DNAAF11: variants seen among roughly 807,000 people sequenced by gnomAD.
The protein encoded by DNAAF11 is leucine rich repeat containing 6.
A neutral mutation model predicts 60.8 loss-of-function variants in DNAAF11; 45 were observed. That is an observed-to-expected ratio of 0.74 (90% CI 0.58 to 0.95). The LOEUF (loss-of-function observed/expected upper bound fraction) is 0.95, where lower values mean the gene tolerates loss of function less well. Among genes scored for constraint, DNAAF11 ranks in the 40% least tolerant of loss-of-function variants. The pLI, the probability that DNAAF11 is intolerant of heterozygous loss-of-function variation, is 0.00. For synonymous variants in DNAAF11, 191 were observed against 183.5 expected (o/e 1.04, Z -0.33); for missense variants, 546 against 546.2 (o/e 1.00, Z 0.00).
At chr8:132,655,321 A>C (rs565132161) in intron 3 of DNAAF11, among the ~76,000 whole-genome samples, 1 of 152,240 alleles carries the variant, frequency 6.6e-6, no homozygotes, top group South Asian at 2.1e-4. Flanking sequence ...TCTAACAAAT[A>C]TTTAAAGAAG....
Position 132,605,964 on chromosome 8 carries a change from T to C in DNAAF11, c.1140+4202A>G, listed in dbSNP as rs1818089759. ...ATAATGGGGTCGGGGGGACAGGTTA[T>C]CAGGGGACTCTGCCTTTAACTCTGA... On this transcript the variant is annotated intron_variant, in intron 10 of 11. Transcript: ENST00000620350. 2.0e-5 allele frequency among the ~76,000 whole-genome samples: 3 copies of C among 149,428 alleles called. No individual in the cohort carries two copies. The South Asian group carries it at 6.4e-4, about 32-fold the overall frequency.
At chr8:132,612,594 T>C (rs1321254163) in intron 8 of DNAAF11, among the ~76,000 whole-genome samples, 1 of 152,146 alleles carries the variant, frequency 6.6e-6, no homozygotes, top group African/African-American at 2.4e-5. Flanking sequence ...CCTTCTTCCT[T>C]TGTAACTCAT....
chr8:132,677,720 C>T (rs556979014), upstream of DNAAF11, among the ~76,000 whole-genome samples: 7 of 152,246 alleles, frequency 4.6e-5, no homozygotes, highest in East Asian at 1.2e-3. Flanking sequence ...TCCTGGGCGA[C>T]ATAGTGAGAC....
chr8:132,700,383 T>C, the DNAAF11 span, among the ~76,000 whole-genome samples: 1 of 152,034 alleles, frequency 6.6e-6, no homozygotes, highest in Non-Finnish European at 1.5e-5. Flanking sequence ...AAAAAGAGTC[T>C]GATTGAGAGC....
intron 11 of DNAAF11, among the ~76,000 whole-genome samples, chr8:132,581,661 CAAAAAAAAAAAA>C (rs59380140): frequency 1.2e-5 from 1 of 83,006 alleles, no homozygotes; most frequent in African/African-American, 4.7e-5. Context: ...GACTCTGCCT[CAAAAAAAAAAAA>C]AAAAAAAAAA....
chr8:132,699,205 G>A, the DNAAF11 span, among the ~76,000 whole-genome samples: 2 of 151,914 alleles, frequency 1.3e-5, no homozygotes, highest in African/African-American at 4.8e-5. Flanking sequence ...GCCTGAATAG[G>A]GAGAACATCC....
At chr8:132,668,649 A>T (rs1313321423) in intron 1 of DNAAF11, among the ~76,000 whole-genome samples, 2 of 151,872 alleles carry the variant, frequency 1.3e-5, no homozygotes, top group Admixed American at 1.3e-4. Context: ...TCACCGTGTT[A>T]GCCAGGATGG....
Position 132,600,697 on chromosome 8 carries a change from G to C in DNAAF11, c.1140+9469C>G, listed in dbSNP as rs558064608. On this transcript the variant is annotated intron_variant, in intron 10 of 11. Transcript: ENST00000620350. ...GAAAGGATTCCCTATTTAATAAATG[G>C]TGCTGGGAAAACTGGCTAGCCATAT... Among the ~76,000 whole-genome samples the C allele has an allele frequency of 2.1e-3, 325 of 152,260 alleles. 2 individuals are homozygous for C. Among genetic ancestry groups the C allele is most frequent in the South Asian group, 0.02 (98 of 4,816 alleles).
intron 2 of DNAAF11, 58 bp downstream of exon 2, chr8:132,661,402 C>T (rs904523428): frequency 7.1e-7 from 1 of 1,413,216 alleles, no homozygotes; most frequent in African/African-American, 1.4e-5. Context: ...CAGCACTTTC[C>T]AAAGTTCTCT....
At chr8:132,579,661 G>A (rs1815114335) in intron 11 of DNAAF11, among the ~76,000 whole-genome samples, 2 of 152,068 alleles carry the variant, frequency 1.3e-5, no homozygotes, top group South Asian at 2.1e-4. Context: ...TTGGTCCAAG[G>A]TCACTCAGAT....
intron 3 of DNAAF11, among the ~76,000 whole-genome samples, chr8:132,641,154 T>C (rs899983492): frequency 1.3e-5 from 2 of 152,126 alleles, no homozygotes; most frequent in Non-Finnish European, 1.5e-5. Flanking sequence ...AACCAGTGCA[T>C]GGAAGTATGA....
intron 3 of DNAAF11, among the ~76,000 whole-genome samples, chr8:132,649,630 A>C (rs1278369042): frequency 1.3e-5 from 2 of 152,194 alleles, no homozygotes; most frequent in Admixed American, 1.3e-4. Context: ...TGACAAAGGG[A>C]TAATATCCAG....
intron 7 of DNAAF11, among the ~76,000 whole-genome samples, chr8:132,619,477 G>A (rs1286667849): frequency 6.6e-6 from 1 of 151,922 alleles, no homozygotes; most frequent in Non-Finnish European, 1.5e-5. Flanking sequence ...AAGAAGGATG[G>A]TACTGAACAA....
chr8:132,665,181 A>G (rs1824510715), intron 1 of DNAAF11, among the ~76,000 whole-genome samples: 1 of 152,122 alleles, frequency 6.6e-6, no homozygotes, highest in Non-Finnish European at 1.5e-5. Context: ...CGCTGAGGAA[A>G]TTGTTGTTAC....
the DNAAF11 span, among the ~76,000 whole-genome samples, chr8:132,694,765 G>A: frequency 6.6e-6 from 1 of 152,102 alleles, no homozygotes; most frequent in East Asian, 1.9e-4. Context: ...AATTAACTTT[G>A]GCATATGCAT....
chr8:132,594,298 C>A (rs1047027441), intron 10 of DNAAF11, among the ~76,000 whole-genome samples: 1 of 152,060 alleles, frequency 6.6e-6, no homozygotes, highest in African/African-American at 2.4e-5. Flanking sequence ...ACAAATCATA[C>A]AAAATTTAAC....
intron 5 of DNAAF11, among the ~76,000 whole-genome samples, chr8:132,625,986 T>C (rs1239701194): frequency 6.6e-6 from 1 of 152,216 alleles, no homozygotes; most frequent in Non-Finnish European, 1.5e-5. Context: ...GATCACATTA[T>C]TTCCAGGTTT....
chr8:132,662,798 G>A (rs1391287471), intron 1 of DNAAF11, among the ~76,000 whole-genome samples: 1 of 152,128 alleles, frequency 6.6e-6, no homozygotes, highest in African/African-American at 2.4e-5. Flanking sequence ...GAAATTCCAG[G>A]TTTCCTGAAG....
chr8:132,594,353 A>G (rs1345373483), intron 10 of DNAAF11, among the ~76,000 whole-genome samples: 1 of 152,216 alleles, frequency 6.6e-6, no homozygotes, highest in Non-Finnish European at 1.5e-5. Flanking sequence ...GATCAAATAA[A>G]CCAAGTAATA....
Sources: gnomAD v4.1 joint callset for allele counts (sites outside exome capture counted in the v4.1 genomes callset) on GRCh38, gnomAD v4.1.1 for gene constraint, MANE v1.5 for transcripts, NCBI Gene and HGNC (gene_info 2026-07-23, HGNC 2026-07-21) for gene names.